Variants in PRSS38 observed in about 807,000 individuals in gnomAD.
The protein encoded by PRSS38 is serine protease 38, also known as marapsin 2.
PRSS38 carries 22 observed loss-of-function variants against 26.8 expected under a neutral mutation model. That is an observed-to-expected ratio of 0.82 (90% CI 0.59 to 1.17). The LOEUF is 1.17. PRSS38 is among the 50% of genes most tolerant of loss of function. PRSS38 has a pLI of 0.00. For missense variants in PRSS38, 427 were observed against 422.7 expected, an observed-to-expected ratio of 1.01 and a Z score of -0.09; for synonymous variants, 175 against 172.1, an observed-to-expected ratio of 1.02 and a Z score of -0.13.
At chr1:227,838,721 T>C (rs2102684014) in intron 3 of PRSS38, among the ~76,000 whole-genome samples, 1 of 152,376 alleles carries the variant, frequency 6.6e-6, no homozygotes, top group African/African-American at 2.4e-5. Context: ...TTGAGCAAGT[T>C]AGATGGATGT....
chr1:227,846,113 C>G (rs967462626), exon 5 of PRSS38: 1 of 1,614,022 alleles, frequency 6.2e-7, no homozygotes, highest in East Asian at 2.2e-5. Context: ...AGAAATCACG[C>G]CCACTCCTGC....
chr1:227,842,019 AGCTCTCTCTG>A (rs1411041514), intron 3 of PRSS38, among the ~76,000 whole-genome samples: 1 of 152,076 alleles, frequency 6.6e-6, no homozygotes, highest in African/African-American at 2.4e-5. Context: ...TTTAACAACC[AGCTCTCTCTG>A]TTGGAAGCCA....
At chr1:227,835,617 T>C (rs1294919806) in intron 3 of PRSS38, among the ~76,000 whole-genome samples, 4 of 152,064 alleles carry the variant, frequency 2.6e-5, no homozygotes. Flanking sequence ...AAACATAGGA[T>C]GGAAAAGTAT....
intron 3 of PRSS38, among the ~76,000 whole-genome samples, chr1:227,839,503 T>G (rs1431948059): frequency 1.3e-5 from 2 of 150,988 alleles, no homozygotes; most frequent in Non-Finnish European, 3.0e-5. Context: ...AGCAGGACCC[T>G]GTCTCAAGGA....
At chr1:227,833,595 G>A (rs1450262588) in intron 3 of PRSS38, among the ~76,000 whole-genome samples, 1 of 151,966 alleles carries the variant, frequency 6.6e-6, no homozygotes, top group Non-Finnish European at 1.5e-5. Context: ...AGCTGCAATA[G>A]TCAAAATCGT....
In PRSS38 at chr1:227,816,356, G is replaced by C. The variant is rs369232751; in HGVS notation, c.311+104G>C. 10 of 1,292,828 alleles carry C rather than the reference G, an allele frequency of 7.7e-6. No individual in the cohort carries two copies. Among genetic ancestry groups the C allele is most frequent in the South Asian group, 4.1e-5 (3 of 73,656 alleles). The allele number at this position is 1,292,828 out of a possible 1,614,324, so 80.1% of individuals were successfully genotyped here. On this transcript the variant is annotated intron_variant, in intron 2 of 4. Coordinates refer to ENST00000366757, the Ensembl canonical transcript of PRSS38. The surrounding 1 kb of genome is among the most constrained non-coding windows in gnomAD (Gnocchi z 5.1). ...GCAAGCCTCCCCCATCACCATTGTC[G>C]ACTCCCTTCACCACTGTCGACCCGC...
At chr1:227,845,032 G>A (rs1242532948) in intron 3 of PRSS38, among the ~76,000 whole-genome samples, 1 of 146,442 alleles carries the variant, frequency 6.8e-6, no homozygotes, top group Non-Finnish European at 1.5e-5. Flanking sequence ...TATGTGTGGT[G>A]GGGCTCTTCC....
chr1:227,842,554 C>T (rs1665353427), intron 3 of PRSS38, among the ~76,000 whole-genome samples: 1 of 152,068 alleles, frequency 6.6e-6, no homozygotes, highest in African/African-American at 2.4e-5. Flanking sequence ...CCCATCTGGC[C>T]TTCCACCTCT....
rs549720726 is a variant in PRSS38 at position 227,816,828 on chromosome 1, G to A, written c.312-381G>A. 2.2e-4 allele frequency among the ~76,000 whole-genome samples: 33 copies of A among 152,316 alleles called. 1 individual carries two copies. The South Asian group carries it at 5.4e-3, about 25-fold the overall frequency. ...TGGTCTCTAAGCACCTGGCCTTCCC[G>A]ATTGCTCCTCCAACAGCCCCATTCA... On this transcript the variant is annotated intron_variant, in intron 2 of 4. Coordinates refer to ENST00000366757, the Ensembl canonical transcript of PRSS38. This position sits in a 1 kb window ranked among gnomAD's most constrained non-coding sequence, Gnocchi z 5.1.
chr1:227,817,436 G>A (rs748976330), exon 3 of PRSS38: 1 of 1,614,192 alleles, frequency 6.2e-7, no homozygotes, highest in Non-Finnish European at 8.5e-7. Context: ...AACCTTACCA[G>A]TGCCAATTGC....
At chr1:227,833,862 G>A (rs1665198453) in intron 3 of PRSS38, among the ~76,000 whole-genome samples, 1 of 152,212 alleles carries the variant, frequency 6.6e-6, no homozygotes, top group Non-Finnish European at 1.5e-5. Context: ...GAATAAAACT[G>A]TTGTTGGTTG....
intron 3 of PRSS38, among the ~76,000 whole-genome samples, chr1:227,842,447 T>C: frequency 6.6e-6 from 1 of 152,218 alleles, no homozygotes; most frequent in Non-Finnish European, 1.5e-5. Flanking sequence ...TCCTGCATGG[T>C]GCTCTTTCAG....
chr1:227,831,726 C>A (rs1445722883), intron 3 of PRSS38, among the ~76,000 whole-genome samples: 1 of 152,092 alleles, frequency 6.6e-6, no homozygotes, highest in African/African-American at 2.4e-5. Context: ...GTGGCATGCA[C>A]CTGTAGTCCC....
intron 3 of PRSS38, 67 bp from the exon 4 acceptor site, chr1:227,845,403 G>A: frequency 3.5e-6 from 4 of 1,143,826 alleles, no homozygotes; most frequent in East Asian, 2.5e-5. Flanking sequence ...TGTCCACTGT[G>A]GGGCAGGGAT....
Position 227,817,492 on chromosome 1 carries a change from G to A in PRSS38, c.583+12G>A. 6.2e-7 allele frequency: 1 copy of A among 1,612,012 alleles called. No individual in the cohort carries two copies. Among genetic ancestry groups the A allele is most frequent in the African/African-American group, 1.3e-5 (1 of 75,038 alleles). On this transcript the variant is annotated intron_variant, in intron 3 of 4. Coordinates refer to ENST00000366757, the Ensembl canonical transcript of PRSS38. ...AGTCTCAAAACAAGGTAGGAATACA[G>A]TGCAGGGCTTTGTGGGCAGGATGAA...
Position 227,816,355 on chromosome 1 carries a change from C to A in PRSS38, c.311+103C>A. The A allele has an allele frequency of 7.8e-7, 1 of 1,290,162 alleles. No individual in the cohort carries two copies. The highest frequency in any genetic ancestry group is 1.1e-6 in the Non-Finnish European group (1 of 928,348). The allele number at this position is 1,290,162 out of a possible 1,614,324, so 79.9% of individuals were successfully genotyped here. On this transcript the variant is annotated intron_variant, in intron 2 of 4. Transcript: ENST00000366757. This position sits in a 1 kb window ranked among gnomAD's most constrained non-coding sequence, Gnocchi z 5.1. The stretch of plus-strand genomic sequence containing the variant: ...CGCAAGCCTCCCCCATCACCATTGT[C>A]GACTCCCTTCACCACTGTCGACCCG...
At chr1:227,842,400 A>G (rs900844814) in intron 3 of PRSS38, among the ~76,000 whole-genome samples, 10 of 152,050 alleles carry the variant, frequency 6.6e-5, no homozygotes, top group African/African-American at 2.4e-4. Flanking sequence ...GATTCATTCT[A>G]ATTCTCAGAT....
Position 227,816,771 on chromosome 1 carries a change from C to G in PRSS38, c.312-438C>G, listed in dbSNP as rs1558231201. On this transcript the variant is annotated intron_variant, in intron 2 of 4. Coordinates refer to ENST00000366757, the Ensembl canonical transcript of PRSS38. This position sits in a 1 kb window ranked among gnomAD's most constrained non-coding sequence, Gnocchi z 5.1. ...GTCCCACAAAAGTGAGGCTGCTCCTCAAGTGCACAGCCAGGTCCTCATAAG... is the reference window on the plus strand; with the variant it reads ...GTCCCACAAAAGTGAGGCTGCTCCTGAAGTGCACAGCCAGGTCCTCATAAG... Among the ~76,000 whole-genome samples, 1 of 152,328 alleles carries G rather than the reference C, an allele frequency of 6.6e-6. No homozygotes were observed. The highest frequency in any genetic ancestry group is 1.9e-4 in the East Asian group (1 of 5,186).
chr1:227,842,038 C>A (rs1241046371), intron 3 of PRSS38, among the ~76,000 whole-genome samples: 2 of 152,056 alleles, frequency 1.3e-5, no homozygotes, highest in East Asian at 3.9e-4. Context: ...TGTTGGAAGC[C>A]AGTAGAATGA....
Sources: allele counts gnomAD v4.1 joint callset (sites outside exome capture counted in the v4.1 genomes callset), GRCh38; gene constraint gnomAD v4.1.1; non-coding constraint Gnocchi (gnomAD v3.1); transcripts MANE v1.5; gene names NCBI Gene and HGNC (gene_info 2026-07-23, HGNC 2026-07-21).